The following CORO7 variants were observed in gnomAD, a reference collection of about 807,000 sequenced individuals.
CORO7 encodes coronin-7.
Under a neutral mutation model 126.6 loss-of-function variants are expected in CORO7, and 107 were observed. That is an observed-to-expected ratio of 0.85 (90% CI 0.72 to 0.99). The LOEUF (loss-of-function observed/expected upper bound fraction) is 0.99. Ranked by LOEUF, CORO7 falls within the 50% of genes least tolerant of loss-of-function variation. CORO7 has a pLI of 0.00. For missense variants in CORO7, 1,314 were observed against 1,255.8 expected, an observed-to-expected ratio of 1.05 and a Z score of -0.70; for synonymous variants, 603 against 536.8, an observed-to-expected ratio of 1.12 and a Z score of -1.70.
chr16:4,381,390 G>C (rs1416762878), intron 9 of CORO7: 6 of 1,578,572 alleles, frequency 3.8e-6, no homozygotes, highest in Non-Finnish European at 5.2e-6. Flanking sequence ...TGCCCCGCCT[G>C]CTGCTGCTGG....
At chr16:4,358,783 C>A in intron 23 of CORO7, 1 of 358,854 alleles carries the variant, frequency 2.8e-6, no homozygotes, top group Non-Finnish European at 5.0e-6. Flanking sequence ...TGCATTTCCT[C>A]CATGCACTCC....
intron 26 of CORO7, among the ~76,000 whole-genome samples, chr16:4,355,859 C>A (rs1396181864): frequency 6.6e-6 from 1 of 151,618 alleles, no homozygotes; most frequent in Non-Finnish European, 1.5e-5. Context: ...CTCACTGCAG[C>A]CTTGACTTTC....
chr16:4,375,356 C>A (rs2141226708), intron 9 of CORO7, among the ~76,000 whole-genome samples: 1 of 152,360 alleles, frequency 6.6e-6, no homozygotes. Context: ...CTCCTCCCTG[C>A]ACAGGAAGAC....
chr16:4,378,896 G>A lies in CORO7; in HGVS notation c.785+9090C>T, dbSNP rs187454093. ...GCTAACTGGCTAGGGGCTCAGGGTC[G>A]GTAGCTCCTAGGGGAGACGACTCTG... On this transcript the variant is annotated intron_variant, in intron 9 of 27. Coordinates refer to ENST00000251166, the MANE Select transcript of CORO7 (RefSeq NM_024535.5). 8.0e-4 allele frequency among the ~76,000 whole-genome samples: 121 copies of A among 152,124 alleles called. 1 individual carries two copies. Among genetic ancestry groups the A allele is most frequent in the African/African-American group, 2.7e-3 (113 of 41,498 alleles).
At chr16:4,416,317 T>C (rs1056982634) in intron 1 of CORO7, 142 bp downstream of exon 1, 2 of 1,221,408 alleles carry the variant, frequency 1.6e-6, no homozygotes, top group Admixed American at 4.2e-5. Flanking sequence ...GCCGGGGCCC[T>C]GGCCTGAAGG....
Position 4,381,912 on chromosome 16 carries a change from C to T in CORO7, c.785+6074G>A, listed in dbSNP as rs147039332. 255 of 1,606,352 alleles carry T rather than the reference C, an allele frequency of 1.6e-4. 1 individual carries two copies. Among genetic ancestry groups the T allele is most frequent in the South Asian group, 8.1e-4 (74 of 90,824 alleles). ...GGCTGCTCCTGGAGCTTGACTACGCCGACTTTGGCTGCCCAGCCACCACCA... is the reference window on the plus strand; with the variant it reads ...GGCTGCTCCTGGAGCTTGACTACGCTGACTTTGGCTGCCCAGCCACCACCA... On this transcript the variant is annotated intron_variant, in intron 9 of 27. Transcript: ENST00000251166.
intron 9 of CORO7, chr16:4,381,126 G>T (rs1477733553): frequency 1.9e-6 from 3 of 1,610,126 alleles, no homozygotes; most frequent in Admixed American, 3.3e-5. Context: ...TCCTGGACCT[G>T]TCACAGAACC....
At chr16:4,366,406 C>T (rs2054348833) in intron 9 of CORO7, among the ~76,000 whole-genome samples, 1 of 152,198 alleles carries the variant, frequency 6.6e-6, no homozygotes, top group African/African-American at 2.4e-5. Flanking sequence ...GACCCCTGCA[C>T]AGCCCCTCAG....
intron 9 of CORO7, among the ~76,000 whole-genome samples, chr16:4,374,364 G>A (rs1484375008): frequency 6.6e-6 from 1 of 152,118 alleles, no homozygotes; most frequent in Non-Finnish European, 1.5e-5. Flanking sequence ...GAGGAGGCTG[G>A]AGGAGGCTCC....
At chr16:4,398,900 G>A (rs181768195) in intron 6 of CORO7, among the ~76,000 whole-genome samples, 239 of 151,912 alleles carry the variant, frequency 1.6e-3, no homozygotes, top group Middle Eastern at 3.4e-3. Flanking sequence ...CCCAGGAGGC[G>A]GGGGTTGCAG....
intron 3 of CORO7, among the ~76,000 whole-genome samples, chr16:4,411,195 G>C (rs1008485600): frequency 6.6e-6 from 1 of 152,208 alleles, no homozygotes; most frequent in Non-Finnish European, 1.5e-5. Flanking sequence ...TTCAAGACCA[G>C]GCTGGGCAAC....
chr16:4,360,906 C>G, intron 19 of CORO7, 37 bp downstream of exon 19: 1 of 1,592,968 alleles, frequency 6.3e-7, no homozygotes. Flanking sequence ...GGCCCCGCCT[C>G]TCCACACTGC....
intron 25 of CORO7, 167 bp downstream of exon 25, chr16:4,357,801 C>G: frequency 7.9e-7 from 1 of 1,260,648 alleles, no homozygotes; most frequent in Non-Finnish European, 1.1e-6. Context: ...ACACAGACCA[C>G]GAGCCCTGCC....
chr16:4,413,984 C>A (rs916632755), intron 1 of CORO7, among the ~76,000 whole-genome samples: 1 of 151,276 alleles, frequency 6.6e-6, no homozygotes, highest in Admixed American at 6.6e-5. Context: ...GTCAGAAGTT[C>A]GAAACCAGCC....
chr16:4,394,175 G>A (rs1290805340), intron 7 of CORO7, among the ~76,000 whole-genome samples: 1 of 152,122 alleles, frequency 6.6e-6, no homozygotes, highest in Non-Finnish European at 1.5e-5. Context: ...GCCGGACACG[G>A]TGGCTCAGGC....
chr16:4,375,983 G>C (rs1202679299), intron 9 of CORO7, among the ~76,000 whole-genome samples: 3 of 152,326 alleles, frequency 2.0e-5, no homozygotes, highest in Middle Eastern at 3.4e-3. Flanking sequence ...TCCTGGCTGT[G>C]GCATTATCTG....
At chr16:4,382,451 T>C (rs977063873) in intron 9 of CORO7, 1 of 1,609,458 alleles carries the variant, frequency 6.2e-7, no homozygotes, top group Non-Finnish European at 8.5e-7. Context: ...GTCACCCAGC[T>C]GCGGCCCAAC....
At chr16:4,357,011 A>C in intron 26 of CORO7, 157 bp downstream of exon 26, 1 of 1,006,492 alleles carries the variant, frequency 9.9e-7, no homozygotes. Flanking sequence ...GGTCAGTGGT[A>C]GGGCTCTGGA....
Position 4,365,490 on chromosome 16 carries a change from C to T in CORO7, c.840+1G>A. 6.4e-7 allele frequency: 1 copy of T among 1,568,202 alleles called. No homozygotes were observed. Among genetic ancestry groups the T allele is most frequent in the Non-Finnish European group, 8.6e-7 (1 of 1,156,936 alleles). ...GGTGGGAGCCCCAGCTTCTCACTCA[C>T]CTTTCCTGCCAGGACCAGGAGCCCA... On this transcript the variant is annotated splice_donor_variant, in intron 10 of 27. Transcript: ENST00000251166. LOFTEE classifies it high-confidence loss of function.
Sources: gnomAD v4.1 joint callset for allele counts (sites outside exome capture counted in the v4.1 genomes callset) on GRCh38, gnomAD v4.1.1 for gene constraint, MANE v1.5 for transcripts, NCBI Gene and HGNC (gene_info 2026-07-23, HGNC 2026-07-21) for gene names.